RORA: variants seen among roughly 807,000 people sequenced by gnomAD.
RORA encodes the protein nuclear receptor ROR-alpha.
RORA carries 7 observed loss-of-function variants against 69.5 expected under a neutral mutation model. That is an observed-to-expected ratio of 0.10 (90% CI 0.06 to 0.19). The LOEUF is 0.19. Among genes scored for constraint, RORA ranks in the 10% least tolerant of loss-of-function variants. The pLI, the probability that RORA is intolerant of heterozygous loss-of-function variation, is 1.00. For missense variants in RORA, 457 were observed against 663.0 expected (o/e 0.69, Z 3.41); for synonymous variants, 261 against 240.8 (o/e 1.08, Z -0.78).
chr15:61,129,796 G>C (rs1706334824), intron 1 of RORA, among the ~76,000 whole-genome samples: 1 of 152,140 alleles, frequency 6.6e-6, no homozygotes, highest in African/African-American at 2.4e-5. Context: ...TTCTGATCTT[G>C]AGATCTGCCT....
chr15:60,679,749 C>T (rs745559964), intron 1 of RORA, among the ~76,000 whole-genome samples: 3 of 152,090 alleles, frequency 2.0e-5, no homozygotes, highest in Admixed American at 6.6e-5. Context: ...TGAAAATCCA[C>T]GGCAGACATT....
At chr15:60,941,919 C>T (rs1308973743) in intron 1 of RORA, among the ~76,000 whole-genome samples, 1 of 152,116 alleles carries the variant, frequency 6.6e-6, no homozygotes, top group East Asian at 1.9e-4. Context: ...TAAAAGCAGA[C>T]ATTTTAGGAA....
At chr15:61,198,023 G>A (rs1317506684) in intron 1 of RORA, among the ~76,000 whole-genome samples, 2 of 152,154 alleles carry the variant, frequency 1.3e-5, no homozygotes, top group African/African-American at 4.8e-5. Context: ...CAGAGCATTT[G>A]AAAGATTTTC....
intron 1 of RORA, among the ~76,000 whole-genome samples, chr15:60,864,663 G>A (rs1367201085): frequency 6.6e-6 from 1 of 152,128 alleles, no homozygotes; most frequent in Admixed American, 6.5e-5. Context: ...AAGTAACTCA[G>A]GAACATTATA....
chr15:60,746,220 A>T (rs1274385684), intron 1 of RORA, among the ~76,000 whole-genome samples: 1 of 152,248 alleles, frequency 6.6e-6, no homozygotes, highest in African/African-American at 2.4e-5. Flanking sequence ...GGAAGACAGC[A>T]TCCCAAAAGG....
At chr15:60,782,787 C>T (rs1422991305) in intron 1 of RORA, among the ~76,000 whole-genome samples, 1 of 152,162 alleles carries the variant, frequency 6.6e-6, no homozygotes, top group Non-Finnish European at 1.5e-5. Context: ...ATTAAAGCAA[C>T]TTTGAAAAGG....
At chr15:60,985,388 AAAG>A (rs148414460) in intron 1 of RORA, among the ~76,000 whole-genome samples, 33,613 of 151,788 alleles carry the variant, frequency 0.22, 3,929 homozygotes, top group African/African-American at 0.28. Flanking sequence ...CACTTAAGAA[AAAG>A]AAGAACTAAA....
At chr15:60,884,966 A>G (rs971877925) in intron 1 of RORA, among the ~76,000 whole-genome samples, 3 of 152,168 alleles carry the variant, frequency 2.0e-5, no homozygotes, top group Non-Finnish European at 4.4e-5. Flanking sequence ...CCCCAAAACA[A>G]ATGTTGTTTT....
chr15:61,057,567 C>T (rs2078113226), intron 1 of RORA, among the ~76,000 whole-genome samples: 1 of 152,174 alleles, frequency 6.6e-6, no homozygotes, highest in African/African-American at 2.4e-5. Context: ...CAAATACTTA[C>T]TTGTCTCTAA....
At chr15:60,766,278 C>A (rs2071989469) in intron 1 of RORA, among the ~76,000 whole-genome samples, 2 of 152,146 alleles carry the variant, frequency 1.3e-5, no homozygotes, top group Non-Finnish European at 2.9e-5. Flanking sequence ...CAAAAGGCAT[C>A]CTGGCTTTGT....
intron 1 of RORA, among the ~76,000 whole-genome samples, chr15:60,923,727 T>C (rs1217171866): frequency 1.3e-5 from 2 of 152,244 alleles, no homozygotes; most frequent in South Asian, 2.1e-4. Context: ...ACTTTGTTTT[T>C]CCCGTTGCCC....
chr15:61,227,551 C>A (rs921369566), intron 1 of RORA, among the ~76,000 whole-genome samples: 1 of 151,608 alleles, frequency 6.6e-6, no homozygotes, highest in Non-Finnish European at 1.5e-5. Context: ...AATGGGAAAG[C>A]GCCTGGACAG....
chr15:60,818,220 C>T (rs917036694), intron 1 of RORA, among the ~76,000 whole-genome samples: 1 of 151,904 alleles, frequency 6.6e-6, no homozygotes, highest in African/African-American at 2.4e-5. Flanking sequence ...TTTGCTATTA[C>T]CTTTAATGGC....
intron 1 of RORA, among the ~76,000 whole-genome samples, chr15:61,020,685 T>G (rs1416654367): frequency 6.6e-6 from 1 of 152,214 alleles, no homozygotes; most frequent in Non-Finnish European, 1.5e-5. Context: ...CTTGGTGCAC[T>G]ATTAGATTTT....
At chr15:61,105,214 T>G (rs1229755895) in intron 1 of RORA, among the ~76,000 whole-genome samples, 1 of 152,294 alleles carries the variant, frequency 6.6e-6, no homozygotes, top group Non-Finnish European at 1.5e-5. Flanking sequence ...ACATTTATAA[T>G]GAAGCATGTT....
At chr15:61,037,609 T>G (rs918217336) in intron 1 of RORA, among the ~76,000 whole-genome samples, 1 of 152,194 alleles carries the variant, frequency 6.6e-6, no homozygotes, top group East Asian at 1.9e-4. Context: ...GACCTTGGAA[T>G]GCAGATCCAG....
intron 1 of RORA, among the ~76,000 whole-genome samples, chr15:60,708,964 A>G (rs1026144140): frequency 7.2e-5 from 11 of 152,216 alleles, no homozygotes; most frequent in African/African-American, 2.7e-4. Context: ...GCCTTGATGT[A>G]GTGCCTGCAT....
At position 61,226,997 on chromosome 15, in the gene RORA, C is replaced by T. The variant is rs2080151004; in HGVS notation, c.166+2056G>A. Among the ~76,000 whole-genome samples the T allele has an allele frequency of 1.3e-5, 2 of 152,130 alleles. No homozygotes were observed. The highest frequency in any genetic ancestry group is 2.4e-5 in the African/African-American group (1 of 41,424). ...CTAAGGGGGCTGGTGGCACTGAATG[C>T]TCCGGCGTTACATAATTTGCAAGAA... On this transcript the variant is annotated intron_variant, in intron 1 of 10. Coordinates refer to ENST00000335670, the MANE Select transcript of RORA (RefSeq NM_134261.3). The surrounding 1 kb of genome is among the most constrained non-coding windows in gnomAD (Gnocchi z 4.2).
chr15:61,084,408 A>G (rs1254628632), intron 1 of RORA, among the ~76,000 whole-genome samples: 1 of 152,230 alleles, frequency 6.6e-6, no homozygotes, highest in Admixed American at 6.5e-5. Context: ...CAAACCACTG[A>G]CTTTCTGAGG....
Sources: allele counts gnomAD v4.1 joint callset (sites outside exome capture counted in the v4.1 genomes callset), GRCh38; gene constraint gnomAD v4.1.1; non-coding constraint Gnocchi (gnomAD v3.1); transcripts MANE v1.5; gene names NCBI Gene and HGNC (gene_info 2026-07-23, HGNC 2026-07-21).